Variants in RERE observed in about 807,000 individuals in gnomAD.
The protein encoded by RERE is arginine-glutamic acid dipeptide repeats.
In RERE, 40 loss-of-function variants were observed where a neutral mutation model predicts 146.1. That is an observed-to-expected ratio of 0.27 (90% CI 0.21 to 0.36). The LOEUF is 0.36. RERE is among the 10% of genes least tolerant of loss of function. The probability of loss-of-function intolerance (pLI) is 1.00; values close to 1 mark genes in which losing one functional copy is unlikely to be tolerated. For missense variants in RERE, 1,933 were observed against 2,138.7 expected, an observed-to-expected ratio of 0.90 and a Z score of 1.90; for synonymous variants, 1,003 against 866.0, an observed-to-expected ratio of 1.16 and a Z score of -2.78.
At chr1:8,652,684 T>G (rs6577514) in intron 2 of RERE, among the ~76,000 whole-genome samples, 95,387 of 151,944 alleles carry the variant, frequency 0.63, 30,384 homozygotes, top group East Asian at 0.83. Context: ...AAAACCATCA[T>G]ATCCTGTGAG....
chr1:8,426,833 G>A lies in RERE; in HGVS notation c.1204-4026C>T, dbSNP rs115521258. On this transcript the variant is annotated intron_variant, in intron 11 of 22. Transcript: ENST00000400908. ...CAGAATCTGGGTAAGGCATCTCCAC[G>A]TTCACCTCAAAATCTCTCCTACTCC... Among the ~76,000 whole-genome samples the A allele has an allele frequency of 4.3e-3, 660 of 152,148 alleles. 4 individuals carry two copies. The highest frequency in any genetic ancestry group is 0.015 in the African/African-American group (629 of 41,484).
intron 4 of RERE, among the ~76,000 whole-genome samples, chr1:8,574,335 A>G (rs1194356913): frequency 3.0e-5 from 4 of 134,942 alleles, no homozygotes; most frequent in Admixed American, 2.4e-4. Context: ...TGATCTATAT[A>G]TAGTCTTTTT....
Position 8,621,042 on chromosome 1 carries a change from G to A in RERE, c.396+3268C>T, listed in dbSNP as rs368477792. ...CGAAATACACCTACCAGTGTAGGAC[G>A]GTGGTGTCCCTATGTGTTTTGATGG... On this transcript the variant is annotated intron_variant, in intron 3 of 22. Coordinates refer to ENST00000400908, the MANE Select transcript of RERE (RefSeq NM_001042681.2). 9.5e-4 allele frequency among the ~76,000 whole-genome samples: 144 copies of A among 150,826 alleles called. 1 individual carries two copies. The highest frequency in any genetic ancestry group is 1.3e-3 in the African/African-American group (55 of 41,044).
intron 1 of RERE, among the ~76,000 whole-genome samples, chr1:8,683,975 C>T (rs1639032100): frequency 6.6e-6 from 1 of 152,150 alleles, no homozygotes; most frequent in African/African-American, 2.4e-5. Flanking sequence ...AGCACAGCTA[C>T]CAACTCCTTG....
At chr1:8,575,686 C>T (rs951867942) in intron 4 of RERE, among the ~76,000 whole-genome samples, 3 of 151,206 alleles carry the variant, frequency 2.0e-5, no homozygotes, top group African/African-American at 7.3e-5. Flanking sequence ...GGCCATTGTG[C>T]CCACCTCAAA....
intron 4 of RERE, among the ~76,000 whole-genome samples, chr1:8,564,860 G>A (rs982222730): frequency 7.6e-6 from 1 of 132,334 alleles, no homozygotes; most frequent in Non-Finnish European, 1.6e-5. Context: ...GTGTGTGTGT[G>A]TGTGTGTGTG....
chr1:8,540,529 G>A (rs1645787554), intron 7 of RERE, among the ~76,000 whole-genome samples: 1 of 152,112 alleles, frequency 6.6e-6, no homozygotes, highest in Non-Finnish European at 1.5e-5. Flanking sequence ...AATAAAATAT[G>A]CAGTCACATG....
chr1:8,649,888 C>A (rs976332224), intron 2 of RERE, among the ~76,000 whole-genome samples: 1 of 151,744 alleles, frequency 6.6e-6, no homozygotes, highest in African/African-American at 2.4e-5. Context: ...TATTACTGTT[C>A]TAAGTGCTAG....
At chr1:8,366,433 G>A (rs1412010033) in intron 12 of RERE, among the ~76,000 whole-genome samples, 1 of 152,228 alleles carries the variant, frequency 6.6e-6, no homozygotes, top group Non-Finnish European at 1.5e-5. Context: ...GGTGTGAGAA[G>A]GAAATGCCCG....
intron 1 of RERE, among the ~76,000 whole-genome samples, chr1:8,696,273 G>A (rs141349850): frequency 6.6e-6 from 1 of 152,114 alleles, no homozygotes; most frequent in African/African-American, 2.4e-5. Flanking sequence ...CAATACCAAA[G>A]ACATGGAATC....
At chr1:8,791,271 T>C (rs1197536026) in intron 1 of RERE, among the ~76,000 whole-genome samples, 1 of 152,224 alleles carries the variant, frequency 6.6e-6, no homozygotes, top group Admixed American at 6.5e-5. Flanking sequence ...AGATAGTATA[T>C]GCACACTTAA....
At chr1:8,717,024 A>T (rs1334536187) in intron 1 of RERE, among the ~76,000 whole-genome samples, 1 of 152,214 alleles carries the variant, frequency 6.6e-6, no homozygotes, top group Non-Finnish European at 1.5e-5. Context: ...AATAAATGAT[A>T]TAACAACTCA....
intron 6 of RERE, among the ~76,000 whole-genome samples, chr1:8,552,815 C>T (rs1214316497): frequency 6.6e-6 from 1 of 152,204 alleles, no homozygotes; most frequent in Non-Finnish European, 1.5e-5. Flanking sequence ...GACAGCAACG[C>T]GACCCTGCAC....
intron 1 of RERE, among the ~76,000 whole-genome samples, chr1:8,755,214 T>C (rs1640611701): frequency 1.3e-5 from 2 of 152,348 alleles, no homozygotes; most frequent in South Asian, 4.1e-4. Flanking sequence ...AGATGGACTT[T>C]GTAGGCCACT....
rs771591777 is a variant in RERE at position 8,365,923 on chromosome 1, T to C, written c.1336A>G (p.Ser446Gly). 1.4e-5 allele frequency: 22 copies of C among 1,614,018 alleles called. No homozygotes were observed. In the South Asian group the frequency reaches 2.0e-4, roughly 14 times the overall value. ...CGGTGCCTACGATGGGCTCGGGAGCTGGCTGCTTCGGGGGTCTTCTTCCAA... is the reference window on the plus strand; with the variant it reads ...CGGTGCCTACGATGGGCTCGGGAGCCGGCTGCTTCGGGGGTCTTCTTCCAA... ...YYWKKTPEAA[S>G]SRAHRRHRRQ... is the part of the protein sequence containing the mutation. Residue 446 changes from serine to glycine, a missense_variant, in exon 13 of 23, where the codon AGC (serine) becomes GGC (glycine). This residue lies in a region of RERE where 260 missense variants were observed against 378.4 expected (regional missense o/e 0.69). Coordinates refer to ENST00000400908, the MANE Select transcript of RERE (RefSeq NM_001042681.2).
At chr1:8,469,740 C>G (rs1180837066) in intron 10 of RERE, among the ~76,000 whole-genome samples, 1 of 152,254 alleles carries the variant, frequency 6.6e-6, no homozygotes, top group East Asian at 1.9e-4. Context: ...GAAGCTCAAT[C>G]AAATATCATT....
At chr1:8,429,488 T>C (rs1229229357) in intron 11 of RERE, among the ~76,000 whole-genome samples, 1 of 152,188 alleles carries the variant, frequency 6.6e-6, no homozygotes, top group African/African-American at 2.4e-5. Context: ...TCCCAGCACA[T>C]CTCATTCTGG....
intron 1 of RERE, among the ~76,000 whole-genome samples, chr1:8,700,400 C>T (rs930678055): frequency 6.6e-6 from 1 of 151,922 alleles, no homozygotes; most frequent in African/African-American, 2.4e-5. Context: ...GAGACCAGAC[C>T]ACTGAGAACC....
intron 10 of RERE, among the ~76,000 whole-genome samples, chr1:8,481,405 CA>C (rs1221415052): frequency 5.3e-4 from 81 of 152,290 alleles, no homozygotes. Flanking sequence ...TGACCCACCG[CA>C]CCCGGCCCGA....
Sources: gnomAD v4.1 joint callset for allele counts (sites outside exome capture counted in the v4.1 genomes callset) on GRCh38, gnomAD v4.1.1 for gene constraint, gnomAD v4.1.1 regional missense constraint, MANE v1.5 for transcripts, NCBI Gene and HGNC (gene_info 2026-07-23, HGNC 2026-07-21) for gene names.